Variants in SUSD4 observed in about 807,000 individuals in gnomAD.
SUSD4 encodes the protein sushi domain containing 4, also known as sushi domain-containing protein 4.
A neutral mutation model predicts 50.5 loss-of-function variants in SUSD4; 41 were observed. That is an observed-to-expected ratio of 0.81 (90% CI 0.63 to 1.05). SUSD4 has a LOEUF of 1.05. Among genes scored for constraint, SUSD4 ranks in the 50% least tolerant of loss-of-function variants. The probability of loss-of-function intolerance (pLI) is 0.00; values close to 1 mark genes in which losing one functional copy is unlikely to be tolerated. For missense variants in SUSD4, 580 were observed against 634.7 expected (o/e 0.91, Z 0.93); for synonymous variants, 257 against 257.3 (o/e 1.00, Z 0.01).
intron 2 of SUSD4, among the ~76,000 whole-genome samples, chr1:223,333,070 T>C (rs1667263039): frequency 6.6e-6 from 1 of 152,044 alleles, no homozygotes. Flanking sequence ...GGCTTCTCCA[T>C]CCACAGCCCA....
At chr1:223,337,989 C>A (rs1667549728) in intron 2 of SUSD4, among the ~76,000 whole-genome samples, 1 of 152,176 alleles carries the variant, frequency 6.6e-6, no homozygotes, top group South Asian at 2.1e-4. Context: ...AATAATTGAG[C>A]TATTTTTTAT....
intron 2 of SUSD4, among the ~76,000 whole-genome samples, chr1:223,297,298 C>T (rs1664891694): frequency 6.6e-6 from 1 of 152,186 alleles, no homozygotes. Context: ...CATAGGGAGG[C>T]AGCTGCTCAT....
intron 2 of SUSD4, among the ~76,000 whole-genome samples, chr1:223,297,003 A>G (rs1217988697): frequency 6.6e-6 from 1 of 152,246 alleles, no homozygotes; most frequent in African/African-American, 2.4e-5. Flanking sequence ...AAAATCCAGG[A>G]CCATCAAGAA....
intron 5 of SUSD4, among the ~76,000 whole-genome samples, chr1:223,247,615 ATGTTTGTTGCT>A (rs1661027703): frequency 6.6e-6 from 1 of 152,162 alleles, no homozygotes; most frequent in African/African-American, 2.4e-5. Context: ...CATGCTCCAG[ATGTTTGTTGCT>A]ATTATTACTG....
intron 3 of SUSD4, among the ~76,000 whole-genome samples, chr1:223,290,547 G>A (rs1664422896): frequency 6.7e-6 from 1 of 150,264 alleles, no homozygotes; most frequent in African/African-American, 2.5e-5. Flanking sequence ...GGACCTGAAT[G>A]TCCTTTGGAC....
At chr1:223,363,058 T>C (rs911390498) in intron 2 of SUSD4, among the ~76,000 whole-genome samples, 1 of 150,946 alleles carries the variant, frequency 6.6e-6, no homozygotes, top group Non-Finnish European at 1.5e-5. Flanking sequence ...AGACAGAATG[T>C]GGGTGTGTGA....
rs1454358611 is a variant in SUSD4 at position 223,323,365 on chromosome 1, G to A, written c.149-30714C>T. ...GGGTGCATGAAACCAGCATGCAAAT[G>A]CCTCCACATCAACATGAGATGTCCC... On this transcript the variant is annotated intron_variant, in intron 2 of 8. Coordinates refer to ENST00000366878, the MANE Select transcript of SUSD4 (RefSeq NM_017982.4). Among the ~76,000 whole-genome samples the A allele has an allele frequency of 2.6e-5, 4 of 152,174 alleles. No homozygotes were observed. In the East Asian group the frequency reaches 7.7e-4, roughly 29 times the overall value.
At chr1:223,270,946 A>T (rs1182656780) in intron 3 of SUSD4, among the ~76,000 whole-genome samples, 1 of 152,208 alleles carries the variant, frequency 6.6e-6, no homozygotes, top group Non-Finnish European at 1.5e-5. Context: ...CCCCAATCCC[A>T]GAATAATCCT....
chr1:223,270,943 C>T (rs1662876256), intron 3 of SUSD4, among the ~76,000 whole-genome samples: 1 of 152,166 alleles, frequency 6.6e-6, no homozygotes, highest in Non-Finnish European at 1.5e-5. Flanking sequence ...CAACCCCAAT[C>T]CCAGAATAAT....
intron 5 of SUSD4, among the ~76,000 whole-genome samples, chr1:223,258,830 G>A (rs1025176798): frequency 2.0e-5 from 3 of 152,070 alleles, no homozygotes; most frequent in South Asian, 2.1e-4. Context: ...CTGAAAACCC[G>A]GCTGCCTTCT....
chr1:223,276,512 C>T (rs761629348), intron 3 of SUSD4, among the ~76,000 whole-genome samples: 3 of 152,238 alleles, frequency 2.0e-5, no homozygotes, highest in Non-Finnish European at 2.9e-5. Flanking sequence ...ACCATCATAA[C>T]TGATCACTTC....
chr1:223,353,429 G>A (rs1668477409), intron 2 of SUSD4, among the ~76,000 whole-genome samples: 1 of 152,152 alleles, frequency 6.6e-6, no homozygotes, highest in South Asian at 2.1e-4. Context: ...ACTGCCTCCT[G>A]TATACCAGCA....
At chr1:223,336,471 G>C (rs375681660) in intron 2 of SUSD4, among the ~76,000 whole-genome samples, 2 of 152,302 alleles carry the variant, frequency 1.3e-5, no homozygotes, top group Admixed American at 1.3e-4. Context: ...AGAAGTATTG[G>C]AAGTGGCTGC....
chr1:223,355,141 C>T (rs951506796), intron 2 of SUSD4, among the ~76,000 whole-genome samples: 3 of 151,140 alleles, frequency 2.0e-5, no homozygotes, highest in Admixed American at 6.6e-5. Flanking sequence ...GTGGCACAAT[C>T]TCGGCTCACT....
intron 2 of SUSD4, among the ~76,000 whole-genome samples, chr1:223,316,892 G>A (rs1262288335): frequency 6.6e-6 from 1 of 152,158 alleles, no homozygotes; most frequent in African/African-American, 2.4e-5. Flanking sequence ...GAGGGTGTCT[G>A]AGGCAAGGAG....
intron 5 of SUSD4, among the ~76,000 whole-genome samples, chr1:223,232,432 A>T (rs759723026): frequency 1.2e-4 from 19 of 152,266 alleles, no homozygotes; most frequent in Admixed American, 2.6e-4. Flanking sequence ...AAAAAGAGGT[A>T]CACAGAGCAG....
intron 5 of SUSD4, among the ~76,000 whole-genome samples, chr1:223,245,142 T>C (rs954924865): frequency 5.9e-5 from 9 of 152,096 alleles, no homozygotes; most frequent in Non-Finnish European, 1.0e-4. Flanking sequence ...TCTATTTTGA[T>C]AGATACTTTC....
At chr1:223,324,176 C>T (rs1324119492) in intron 2 of SUSD4, among the ~76,000 whole-genome samples, 1 of 147,918 alleles carries the variant, frequency 6.8e-6, no homozygotes, top group Non-Finnish European at 1.5e-5. Context: ...ACATAGTGGG[C>T]ATGCAGTAAA....
intron 5 of SUSD4, among the ~76,000 whole-genome samples, chr1:223,237,302 A>G (rs1660284739): frequency 6.6e-6 from 1 of 151,994 alleles, no homozygotes; most frequent in African/African-American, 2.4e-5. Context: ...TGAAAAAGAT[A>G]GTTTTATTTC....
Sources: gnomAD v4.1 joint callset for allele counts (sites outside exome capture counted in the v4.1 genomes callset) on GRCh38, gnomAD v4.1.1 for gene constraint, MANE v1.5 for transcripts, NCBI Gene and HGNC (gene_info 2026-07-23, HGNC 2026-07-21) for gene names.